Variants in PRKDC observed in about 807,000 individuals in gnomAD.
The protein encoded by PRKDC is DNA-dependent protein kinase catalytic subunit.
PRKDC carries 82 observed loss-of-function variants against 486.9 expected under a neutral mutation model. The ratio of observed to expected loss-of-function variants is 0.17; its 90% confidence interval spans 0.14 to 0.20. The LOEUF (loss-of-function observed/expected upper bound fraction) is 0.20, where lower values mean the gene tolerates loss of function less well. Ranked by LOEUF, PRKDC falls within the 10% of genes least tolerant of loss-of-function variation. PRKDC has a pLI of 1.00. For missense variants in PRKDC, 4,504 were observed against 5,038.2 expected, an observed-to-expected ratio of 0.89 and a Z score of 3.21; for synonymous variants, 1,895 against 1,837.0, an observed-to-expected ratio of 1.03 and a Z score of -0.81.
chr8:47,841,008 G>T (rs749403326), intron 54 of PRKDC, among the ~76,000 whole-genome samples: 3 of 152,210 alleles, frequency 2.0e-5, no homozygotes, highest in Non-Finnish European at 2.9e-5. Context: ...CAGACACTGA[G>T]GCTGAAGAGG....
intron 5 of PRKDC, 83 bp downstream of exon 5, chr8:47,954,255 A>T: frequency 1.7e-6 from 1 of 592,812 alleles, no homozygotes. Flanking sequence ...AGACCTTGGT[A>T]GAGAAAACCT....
At chr8:47,903,997 G>C (rs1171290799) in intron 26 of PRKDC, among the ~76,000 whole-genome samples, 3 of 152,118 alleles carry the variant, frequency 2.0e-5, no homozygotes, top group Non-Finnish European at 4.4e-5. Flanking sequence ...AGAGTACACT[G>C]CCAGCAGCAT....
intron 30 of PRKDC, among the ~76,000 whole-genome samples, chr8:47,893,790 G>A (rs939600886): frequency 2.6e-5 from 4 of 152,184 alleles, no homozygotes; most frequent in African/African-American, 9.7e-5. Flanking sequence ...CACAGTAAGT[G>A]CAGTGTTTGT....
chr8:47,941,811 C>T (rs377366882), intron 10 of PRKDC, among the ~76,000 whole-genome samples: 1 of 152,190 alleles, frequency 6.6e-6, no homozygotes, highest in African/African-American at 2.4e-5. Context: ...AACTTTCTCA[C>T]GAGGTAGAGA....
chr8:47,869,603 T>C (rs1295519292), intron 40 of PRKDC, among the ~76,000 whole-genome samples: 8 of 151,810 alleles, frequency 5.3e-5, no homozygotes, highest in Admixed American at 5.3e-4. Context: ...CCAGTTGTGG[T>C]GGCCACAGGG....
At chr8:47,806,040 T>A (rs1379681919) in intron 69 of PRKDC, among the ~76,000 whole-genome samples, 2 of 152,176 alleles carry the variant, frequency 1.3e-5, no homozygotes, top group Admixed American at 1.3e-4. Flanking sequence ...GCAAACCCAG[T>A]GCCATCCCAT....
chr8:47,814,179 C>G (rs931999519), intron 68 of PRKDC, among the ~76,000 whole-genome samples: 1 of 152,200 alleles, frequency 6.6e-6, no homozygotes. Context: ...GACATTCATT[C>G]ATGATAAAAC....
chr8:47,948,027 G>A (rs1205024359), intron 7 of PRKDC, among the ~76,000 whole-genome samples: 2 of 151,830 alleles, frequency 1.3e-5, no homozygotes, highest in Non-Finnish European at 2.9e-5. Flanking sequence ...AGGATGCAGT[G>A]AGCCCATATC....
chr8:47,892,055 A>G (rs1257810817), intron 31 of PRKDC, among the ~76,000 whole-genome samples: 1 of 151,982 alleles, frequency 6.6e-6, no homozygotes, highest in Non-Finnish European at 1.5e-5. Context: ...TTTTTGGTAG[A>G]TACGGGATTT....
At chr8:47,839,456 G>A (rs2154499840) in intron 55 of PRKDC, among the ~76,000 whole-genome samples, 1 of 152,306 alleles carries the variant, frequency 6.6e-6, no homozygotes, top group East Asian at 1.9e-4. Context: ...AGTGGAACAG[G>A]AGGATGGGCC....
chr8:47,835,620 CAAAAAAA>C (rs71548446), intron 58 of PRKDC, among the ~76,000 whole-genome samples: 438 of 20,392 alleles, frequency 0.021, 1 homozygote, highest in Middle Eastern at 0.042. Context: ...GACTCTGTCT[CAAAAAAA>C]AAAAAAAAAA....
At chr8:47,846,823 C>A (rs932820376) in intron 54 of PRKDC, among the ~76,000 whole-genome samples, 6 of 152,124 alleles carry the variant, frequency 3.9e-5, no homozygotes, top group Admixed American at 2.6e-4. Context: ...GATACAAAAT[C>A]AATGTACAAA....
At chr8:47,930,547 C>T (rs1464880061) in intron 17 of PRKDC, 125 bp downstream of exon 17, 1 of 913,372 alleles carries the variant, frequency 1.1e-6, no homozygotes, top group Admixed American at 2.8e-5. Context: ...GCTGGGATTA[C>T]AGGCGTGAGC....
intron 22 of PRKDC, among the ~76,000 whole-genome samples, chr8:47,917,018 G>A (rs1301660397): frequency 3.3e-5 from 5 of 152,086 alleles, no homozygotes; most frequent in Non-Finnish European, 7.4e-5. Flanking sequence ...GCATTTGAGA[G>A]GCTGAGGTGG....
intron 57 of PRKDC, 70 bp downstream of exon 57, chr8:47,837,142 G>C (rs575024261): frequency 7.1e-7 from 1 of 1,413,456 alleles, no homozygotes; most frequent in Admixed American, 2.0e-5. Flanking sequence ...GCCAGTCAAA[G>C]CTATTAAAAA....
At position 47,820,918 on chromosome 8, in the gene PRKDC, C is replaced by T. The variant is rs373925433; in HGVS notation, c.9137G>A (p.Arg3046His). The change falls in exon 66 of 86, where the codon CGC (arginine) becomes CAC (histidine). Residue 3046 changes from arginine (R) to histidine (H), a missense_variant. Physicochemically the swap from Arg to His is conservative, Grantham distance 29. Transcript: ENST00000314191. ...YQETYLPYMI[R>H]SKLKLLLQGE... Reference sequence around the variant, plus strand: ...CTGGAGCAGCAGCTTCAGCTTGCTGCGGATCATGTAAGGTAGATATGTTTC... The same window carrying T: ...CTGGAGCAGCAGCTTCAGCTTGCTGTGGATCATGTAAGGTAGATATGTTTC... The T allele has an allele frequency of 7.9e-5, 126 of 1,603,174 alleles. No individual in the cohort carries two copies. The highest frequency in any genetic ancestry group is 9.5e-5 in the Non-Finnish European group (112 of 1,173,450).
Position 47,875,709 on chromosome 8 carries a change from T to C in PRKDC, c.5363+2015A>G, listed in dbSNP as rs180681161. Among the ~76,000 whole-genome samples the C allele has an allele frequency of 3.9e-5, 6 of 152,356 alleles. No individual in the cohort carries two copies. In the East Asian group the frequency reaches 1.2e-3, roughly 29 times the overall value. ...TATATTATTTACAAACATTTTCAGATTCCCAAAATTTCCTTGTGTTGTTGA... is the reference window on the plus strand; with the variant it reads ...TATATTATTTACAAACATTTTCAGACTCCCAAAATTTCCTTGTGTTGTTGA... On this transcript the variant is annotated intron_variant, in intron 40 of 85. Coordinates refer to ENST00000314191, the MANE Select transcript of PRKDC (RefSeq NM_006904.7).
chr8:47,956,688 G>A (rs1235132305), intron 3 of PRKDC, among the ~76,000 whole-genome samples: 1 of 151,658 alleles, frequency 6.6e-6, no homozygotes, highest in African/African-American at 2.4e-5. Flanking sequence ...GGATGACAGA[G>A]CAAAACCCTG....
chr8:47,895,056 AAC>A (rs1004416606), intron 30 of PRKDC, among the ~76,000 whole-genome samples: 16 of 152,148 alleles, frequency 1.1e-4, no homozygotes, highest in South Asian at 2.1e-4. Context: ...TAGCCTGGGC[AAC>A]AGAGTGAGAC....
Sources: gnomAD v4.1 joint callset for allele counts (sites outside exome capture counted in the v4.1 genomes callset) on GRCh38, gnomAD v4.1.1 for gene constraint, MANE v1.5 for transcripts, NCBI Gene and HGNC (gene_info 2026-07-23, HGNC 2026-07-21) for gene names.